RHOBTB1: variants seen among roughly 807,000 people sequenced by gnomAD.
RHOBTB1 encodes Rho related BTB domain containing 1.
In RHOBTB1, 40 loss-of-function variants were observed where a neutral mutation model predicts 71.6. The observed-to-expected ratio is 0.56, with a 90% CI of 0.43 to 0.73. The LOEUF (loss-of-function observed/expected upper bound fraction) is 0.73. Ranked by LOEUF, RHOBTB1 falls within the 30% of genes least tolerant of loss-of-function variation. The pLI is 0.00. For synonymous variants in RHOBTB1, 319 were observed against 334.9 expected (o/e 0.95, Z 0.52); for missense variants, 797 against 894.0 (o/e 0.89, Z 1.38).
chr10:60,993,859 T>A (rs548085055), intron 1 of RHOBTB1, among the ~76,000 whole-genome samples: 4 of 152,226 alleles, frequency 2.6e-5, no homozygotes, highest in Admixed American at 6.5e-5. Flanking sequence ...TTAAAATTTA[T>A]AATTCTTTTG....
At chr10:60,955,038 TCTTTC>T in intron 2 of RHOBTB1, among the ~76,000 whole-genome samples, 1 of 140,206 alleles carries the variant, frequency 7.1e-6, no homozygotes, top group South Asian at 2.4e-4. Context: ...TTCTTTTCTT[TCTTTC>T]TTTTTTTTTT....
chr10:60,873,108 A>C (rs1227785535), intron 9 of RHOBTB1, among the ~76,000 whole-genome samples: 6 of 152,146 alleles, frequency 3.9e-5, no homozygotes, highest in Non-Finnish European at 8.8e-5. Context: ...AGACCTCAGA[A>C]ACCCACTCAA....
At chr10:60,866,620 G>A (rs1003058416), downstream of RHOBTB1, among the ~76,000 whole-genome samples, 5 of 152,108 alleles carry the variant, frequency 3.3e-5, no homozygotes, top group South Asian at 2.1e-4. Context: ...CAATGAAAAC[G>A]AATTGCTCCC....
At chr10:60,955,895 C>A (rs2085575696) in intron 2 of RHOBTB1, among the ~76,000 whole-genome samples, 1 of 152,142 alleles carries the variant, frequency 6.6e-6, no homozygotes, top group South Asian at 2.1e-4. Context: ...TTTATAACAA[C>A]TTTTAATTAT....
chr10:60,996,658 CA>C (rs764872401), intron 1 of RHOBTB1, among the ~76,000 whole-genome samples: 29 of 152,190 alleles, frequency 1.9e-4, no homozygotes, highest in Non-Finnish European at 3.4e-4. Flanking sequence ...TTATCAATTT[CA>C]TTAAGCTTAA....
intron 4 of RHOBTB1, among the ~76,000 whole-genome samples, chr10:60,899,028 T>C (rs1346259588): frequency 1.3e-5 from 2 of 152,186 alleles, no homozygotes; most frequent in African/African-American, 4.8e-5. Flanking sequence ...ACAAATATCA[T>C]AGGGGTTAAT....
intron 2 of RHOBTB1, among the ~76,000 whole-genome samples, chr10:60,967,929 A>G (rs2086026194): frequency 6.6e-6 from 1 of 152,116 alleles, no homozygotes; most frequent in African/African-American, 2.4e-5. Flanking sequence ...GATGACTAGG[A>G]AGGGAGAAGT....
intron 7 of RHOBTB1, among the ~76,000 whole-genome samples, chr10:60,878,509 G>T (rs967350140): frequency 6.6e-6 from 1 of 152,202 alleles, no homozygotes; most frequent in Non-Finnish European, 1.5e-5. Context: ...CACCCTAGCT[G>T]CCACAGTGAC....
intron 2 of RHOBTB1, among the ~76,000 whole-genome samples, chr10:60,966,808 G>A (rs1201406582): frequency 6.6e-6 from 1 of 150,832 alleles, no homozygotes; most frequent in Non-Finnish European, 1.5e-5. Context: ...ATTTACATTA[G>A]GTACATCTCC....
intron 1 of RHOBTB1, among the ~76,000 whole-genome samples, chr10:60,993,237 G>A (rs536174719): frequency 6.6e-6 from 1 of 152,152 alleles, no homozygotes; most frequent in South Asian, 2.1e-4. Flanking sequence ...GTCTACTGCT[G>A]ACAAAAATTA....
chr10:60,863,264 T>C, the RHOBTB1 span, among the ~76,000 whole-genome samples: 2 of 152,236 alleles, frequency 1.3e-5, no homozygotes, highest in East Asian at 3.8e-4. Context: ...TGTACATTAT[T>C]TGGGGGGAGT....
intron 2 of RHOBTB1, among the ~76,000 whole-genome samples, chr10:60,965,533 T>C (rs1462713962): frequency 6.6e-6 from 1 of 152,120 alleles, no homozygotes; most frequent in East Asian, 1.9e-4. Flanking sequence ...GTTCAATACA[T>C]ATTTGTAAGA....
intron 7 of RHOBTB1, among the ~76,000 whole-genome samples, chr10:60,878,754 G>A (rs1031368055): frequency 1.3e-5 from 2 of 152,202 alleles, no homozygotes; most frequent in African/African-American, 4.8e-5. Context: ...CTTCCTGAGT[G>A]CCTGTAGTTG....
chr10:60,952,964 G>A (rs745643616), intron 2 of RHOBTB1, among the ~76,000 whole-genome samples: 6 of 151,958 alleles, frequency 3.9e-5, no homozygotes, highest in Non-Finnish European at 5.9e-5. Context: ...AACACACAAC[G>A]CAAGCTTTAG....
At chr10:60,872,404 C>A (rs76522289) in intron 9 of RHOBTB1, 114 bp from the exon 10 acceptor site, 1 of 731,224 alleles carries the variant, frequency 1.4e-6, no homozygotes. Flanking sequence ...ATAACTAATT[C>A]GGTAAACCTC....
At chr10:60,872,394 A>G (rs1238534839) in intron 9 of RHOBTB1, 104 bp from the exon 10 acceptor site, 1 of 798,004 alleles carries the variant, frequency 1.3e-6, no homozygotes, top group African/African-American at 1.7e-5. Context: ...AAGGGCTTAT[A>G]TAACTAATTC....
At chr10:60,963,034 G>A (rs1254580329) in intron 2 of RHOBTB1, among the ~76,000 whole-genome samples, 1 of 152,144 alleles carries the variant, frequency 6.6e-6, no homozygotes, top group Non-Finnish European at 1.5e-5. Flanking sequence ...CACGGCTACA[G>A]ATGTGATGGC....
At chr10:60,981,594 A>G (rs2086497185) in intron 2 of RHOBTB1, among the ~76,000 whole-genome samples, 1 of 152,186 alleles carries the variant, frequency 6.6e-6, no homozygotes, top group Non-Finnish European at 1.5e-5. Flanking sequence ...TTTGAAATTG[A>G]TAATATTCAT....
intron 2 of RHOBTB1, among the ~76,000 whole-genome samples, chr10:60,937,902 C>T (rs536352742): frequency 6.6e-6 from 1 of 152,302 alleles, no homozygotes; most frequent in East Asian, 1.9e-4. Flanking sequence ...CTACTATGTG[C>T]TTTACATGCA....
Sources: allele counts gnomAD v4.1 joint callset (sites outside exome capture counted in the v4.1 genomes callset), GRCh38; gene constraint gnomAD v4.1.1; transcripts MANE v1.5; gene names NCBI Gene and HGNC (gene_info 2026-07-23, HGNC 2026-07-21).